The following VRK3 variants were observed in gnomAD, a reference collection of about 807,000 sequenced individuals.
The protein encoded by VRK3 is serine/threonine-protein kinase VRK3.
In VRK3, 50 loss-of-function variants were observed where a neutral mutation model predicts 60.4. The ratio of observed to expected loss-of-function variants is 0.83; its 90% CI spans 0.66 to 1.05. The LOEUF (loss-of-function observed/expected upper bound fraction) is 1.05, where lower values mean the gene tolerates loss of function less well. VRK3 is among the 50% of genes least tolerant of loss of function. The pLI, the probability that VRK3 is intolerant of heterozygous loss-of-function variation, is 0.00. For missense variants in VRK3, 549 were observed against 585.3 expected, an observed-to-expected ratio of 0.94 and a Z score of 0.64; for synonymous variants, 246 against 227.8, an observed-to-expected ratio of 1.08 and a Z score of -0.72.
At chr19:50,003,704 G>A (rs976240934) in intron 5 of VRK3, among the ~76,000 whole-genome samples, 2 of 152,172 alleles carry the variant, frequency 1.3e-5, no homozygotes, top group Admixed American at 1.3e-4. Flanking sequence ...TTTAAATTAC[G>A]GGACATACAA....
chr19:50,004,612 CAG>C (rs1312368715), intron 5 of VRK3, among the ~76,000 whole-genome samples: 14 of 152,298 alleles, frequency 9.2e-5, no homozygotes, highest in Non-Finnish European at 1.5e-4. Context: ...GGGTAAGACA[CAG>C]AGAGTTCCCA....
chr19:49,981,992 G>A, intron 12 of VRK3: 3 of 639,918 alleles, frequency 4.7e-6, no homozygotes, highest in Admixed American at 2.4e-5. Context: ...GGCCAGCGGG[G>A]CCGTCAAGTA....
chr19:49,982,093 GGGA>G, intron 12 of VRK3: 1 of 702,530 alleles, frequency 1.4e-6, no homozygotes. Context: ...CGGAGGAACT[GGGA>G]GGAGGTGGAA....
chr19:49,985,586 C>T lies in VRK3; in HGVS notation c.1217+2786G>A, dbSNP rs537761068. Reference sequence around the variant, plus strand: ...TGCACACCCCCACCAACAGTCCCACCAGTGGACACCCAGGACCTGGCCTCA... The same window carrying T: ...TGCACACCCCCACCAACAGTCCCACTAGTGGACACCCAGGACCTGGCCTCA... On this transcript the variant is annotated intron_variant, in intron 12 of 14. Transcript: ENST00000316763. 7.9e-5 allele frequency among the ~76,000 whole-genome samples: 12 copies of T among 152,310 alleles called. No homozygotes were observed. The South Asian group carries it at 2.1e-3, about 26-fold the overall frequency.
chr19:49,988,821 C>T (rs2076561681), intron 11 of VRK3, among the ~76,000 whole-genome samples: 1 of 152,170 alleles, frequency 6.6e-6, no homozygotes, highest in Admixed American at 6.5e-5. Context: ...AGGATCTCGT[C>T]GGGTCCCAGC....
intron 7 of VRK3, 61 bp from the exon 8 acceptor site, chr19:49,995,336 G>A: frequency 6.6e-7 from 1 of 1,504,986 alleles, no homozygotes; most frequent in Admixed American, 1.8e-5. Context: ...GGCAGTAAGA[G>A]CTAGTTCTCA....
intron 5 of VRK3, chr19:50,001,152 G>C: frequency 3.1e-6 from 1 of 326,296 alleles, no homozygotes; most frequent in Non-Finnish European, 5.7e-6. Context: ...TAAGTGAGTG[G>C]GGCTCGCTGA....
chr19:50,019,165 T>TAAAAAAAAAAA (rs199546751), intron 2 of VRK3: 1 of 79,042 alleles, frequency 1.3e-5, no homozygotes, highest in Non-Finnish European at 2.7e-5. Flanking sequence ...ACTCCGTCTC[T>TAAAAAAAAAAA]AAAAAAAAAA....
intron 5 of VRK3, 29 bp from the exon 6 acceptor site, chr19:50,000,883 T>A: frequency 6.2e-7 from 1 of 1,605,364 alleles, no homozygotes; most frequent in Non-Finnish European, 8.5e-7. Context: ...GGGAGTGAGG[T>A]TATAACCACG....
At position 50,007,600 on chromosome 19, in the gene VRK3, CTGGA is replaced by C; in HGVS notation, c.512_515del (p.Phe171Ter). 1 of 1,614,220 alleles carries C rather than the reference CTGGA, an allele frequency of 6.2e-7. No homozygotes were observed. The highest frequency in any genetic ancestry group is 8.5e-7 in the Non-Finnish European group (1 of 1,180,044). On this transcript the variant is annotated frameshift_variant, in exon 5 of 15. Coordinates refer to ENST00000316763, the MANE Select transcript of VRK3 (RefSeq NM_016440.4). LOFTEE classifies it high-confidence loss of function. ...AGAGAATGCCCTGGTTGTCCCTGGT[CTGGA>C]AGGACTTCAGCTTCCACTGTCGCCC...
chr19:50,006,627 G>A (rs1278879663), intron 5 of VRK3, among the ~76,000 whole-genome samples: 3 of 152,042 alleles, frequency 2.0e-5, no homozygotes, highest in Non-Finnish European at 2.9e-5. Context: ...CGCCTGTCTC[G>A]GCCTCCCAAA....
intron 3 of VRK3, among the ~76,000 whole-genome samples, chr19:50,015,457 C>T (rs919312494): frequency 2.0e-5 from 3 of 151,996 alleles, no homozygotes; most frequent in South Asian, 4.2e-4. Flanking sequence ...TACAGGCATG[C>T]GCCACTATGC....
intron 1 of VRK3, among the ~76,000 whole-genome samples, chr19:50,021,897 A>G (rs566366901): frequency 2.0e-5 from 3 of 152,362 alleles, no homozygotes; most frequent in South Asian, 2.1e-4. Context: ...TTTTCAAGGT[A>G]AGAATGATTT....
rs778081107 is a variant in VRK3, at chr19:50,006,117, C to T, written c.547+1452G>A. On this transcript the variant is annotated intron_variant, in intron 5 of 14. Coordinates refer to ENST00000316763, the MANE Select transcript of VRK3 (RefSeq NM_016440.4). ...CCTGGCCAACATGGTAACACCCTGT[C>T]TCTACTAAAAATACAAAAAATAAAA... Among the ~76,000 whole-genome samples, 27 of 137,972 alleles carry T rather than the reference C, an allele frequency of 2.0e-4. 1 individual carries two copies. Among genetic ancestry groups the T allele is most frequent in the Non-Finnish European group, 3.5e-4 (24 of 67,912 alleles). 90.5% of individuals were successfully genotyped at this position (137,972 alleles called of 152,430 possible).
At chr19:50,006,846 G>T (rs534612262) in intron 5 of VRK3, among the ~76,000 whole-genome samples, 1 of 152,258 alleles carries the variant, frequency 6.6e-6, no homozygotes, top group Admixed American at 6.5e-5. Context: ...TTTCCTCATT[G>T]TAACAGAGTC....
chr19:50,012,574 G>GT lies in VRK3; in HGVS notation c.140-3190dup, dbSNP rs534919089. On this transcript the variant is annotated intron_variant, in intron 3 of 14. Transcript: ENST00000316763. ...GAGTGAATAATGAACTGGGCTCTAG[G>GT]TTAGCATTAGGAAAGGCAGGGGTTG... Among the ~76,000 whole-genome samples the GT allele has an allele frequency of 1.3e-3, 193 of 152,212 alleles. No homozygotes were observed. In the Middle Eastern group the frequency reaches 0.02, roughly 16 times the overall value.
chr19:50,014,938 G>C (rs1250784104), intron 3 of VRK3, among the ~76,000 whole-genome samples: 1 of 152,168 alleles, frequency 6.6e-6, no homozygotes, highest in African/African-American at 2.4e-5. Flanking sequence ...GTGAGGACCA[G>C]GGATGTGGGA....
At chr19:50,010,048 T>C (rs1466647560) in intron 3 of VRK3, among the ~76,000 whole-genome samples, 2 of 148,342 alleles carry the variant, frequency 1.3e-5, no homozygotes, top group South Asian at 4.3e-4. Context: ...AATAATTATT[T>C]TATATATATA....
intron 4 of VRK3, among the ~76,000 whole-genome samples, chr19:50,008,221 G>A (rs1302610609): frequency 2.0e-5 from 3 of 152,182 alleles, no homozygotes; most frequent in African/African-American, 7.2e-5. Flanking sequence ...AGGGAATAAA[G>A]GACATTCTAG....
Sources: allele counts gnomAD v4.1 joint callset (sites outside exome capture counted in the v4.1 genomes callset), GRCh38; gene constraint gnomAD v4.1.1; transcripts MANE v1.5; gene names NCBI Gene and HGNC (gene_info 2026-07-23, HGNC 2026-07-21).